Variants in ANKDD1B observed in about 807,000 individuals in gnomAD.
ANKDD1B encodes the protein ankyrin repeat and death domain containing 1B.
A neutral mutation model predicts 59.7 loss-of-function variants in ANKDD1B; 57 were observed. That is an observed-to-expected ratio of 0.95 (90% confidence interval 0.77 to 1.19). The LOEUF is 1.19. Among genes scored for constraint, ANKDD1B ranks in the 50% most tolerant of loss-of-function variants. ANKDD1B has a pLI of 0.00. For missense variants in ANKDD1B, 602 were observed against 641.9 expected (o/e 0.94, Z 0.67); for synonymous variants, 216 against 239.5 (o/e 0.90, Z 0.91).
At position 75,660,905 on chromosome 5, in the gene ANKDD1B, C is replaced by G. The variant is rs537138656; in HGVS notation, c.1095+1524C>G. On this transcript the variant is annotated intron_variant, in intron 10 of 13. Transcript: ENST00000601380. The stretch of plus-strand genomic sequence containing the variant: ...CTGCTTCCGAAACTTGCAGTTTTCC[C>G]TTCCTTATTTTTACCCAACAGTTCA... Among the ~76,000 whole-genome samples, 8 of 152,238 alleles carry G rather than the reference C, an allele frequency of 5.3e-5. No homozygotes were observed. The South Asian group carries it at 1.7e-3, about 32-fold the overall frequency.
chr5:75,626,397 C>A (rs899687068), intron 5 of ANKDD1B, among the ~76,000 whole-genome samples: 2 of 152,156 alleles, frequency 1.3e-5, no homozygotes, highest in Non-Finnish European at 2.9e-5. Flanking sequence ...AGATATATAA[C>A]AATACCAGCT....
chr5:75,635,513 T>C (rs1774275287), intron 6 of ANKDD1B: 1 of 296,270 alleles, frequency 3.4e-6, no homozygotes, highest in Non-Finnish European at 6.2e-6. Flanking sequence ...GAATTGCTTT[T>C]GTTGCTCCAT....
chr5:75,630,586 A>G (rs1774124466), intron 5 of ANKDD1B, among the ~76,000 whole-genome samples: 1 of 152,278 alleles, frequency 6.6e-6, no homozygotes, highest in African/African-American at 2.4e-5. Flanking sequence ...AAAGCTTTGT[A>G]GCAACCACGG....
Position 75,633,645 on chromosome 5 carries a change from G to A in ANKDD1B, c.601-1253G>A, listed in dbSNP as rs541734106. Among the ~76,000 whole-genome samples the A allele has an allele frequency of 5.3e-5, 8 of 152,280 alleles. No individual in the cohort carries two copies. In the East Asian group the frequency reaches 9.6e-4, roughly 18 times the overall value. ...AATTGAAGAAAATACTTCTGCTACC[G>A]TATTGCCACCACAACTTCCTTTTCC... On this transcript the variant is annotated intron_variant, in intron 5 of 13. Coordinates refer to ENST00000601380, the MANE Select transcript of ANKDD1B (RefSeq NM_001276713.2).
At chr5:75,658,255 A>G (rs1775026595) in intron 9 of ANKDD1B, among the ~76,000 whole-genome samples, 1 of 152,184 alleles carries the variant, frequency 6.6e-6, no homozygotes, top group Non-Finnish European at 1.5e-5. Flanking sequence ...TATCCCCAGC[A>G]TATTGGCCCT....
intron 5 of ANKDD1B, among the ~76,000 whole-genome samples, chr5:75,629,880 GTGAGC>G (rs1201642718): frequency 6.6e-6 from 1 of 152,232 alleles, no homozygotes; most frequent in East Asian, 1.9e-4. Flanking sequence ...GGAAGCTGCA[GTGAGC>G]TGAGATCATG....
In ANKDD1B at chr5:75,668,370, T is replaced by C. The variant is rs149051694; in HGVS notation, c.1394-882T>C. On this transcript the variant is annotated intron_variant, in intron 12 of 13. Transcript: ENST00000601380. The stretch of plus-strand genomic sequence containing the variant: ...CACTGGGGAGTTTGTGGGCTTTTGA[T>C]CAAAGGAGTGACAGACTCATGATGG... 1.1e-3 allele frequency among the ~76,000 whole-genome samples: 167 copies of C among 152,248 alleles called. 1 individual carries two copies. In the East Asian group the frequency reaches 0.028, roughly 26 times the overall value.
At chr5:75,654,072 G>A (rs1774896771) in intron 8 of ANKDD1B, among the ~76,000 whole-genome samples, 1 of 152,218 alleles carries the variant, frequency 6.6e-6, no homozygotes, top group Admixed American at 6.5e-5. Flanking sequence ...GACCTACACA[G>A]AAATTCTTCC....
intron 10 of ANKDD1B, among the ~76,000 whole-genome samples, chr5:75,661,361 C>T (rs1482036834): frequency 1.5e-4 from 18 of 123,864 alleles, no homozygotes; most frequent in African/African-American, 5.3e-4. Context: ...CGTGCCAGTG[C>T]ACTCCAGTCT....
intron 10 of ANKDD1B, among the ~76,000 whole-genome samples, chr5:75,661,568 A>G (rs1775153212): frequency 6.6e-6 from 1 of 152,060 alleles, no homozygotes; most frequent in African/African-American, 2.4e-5. Flanking sequence ...TAGCCTTAGT[A>G]TTTTTTAATG....
chr5:75,616,059 CG>C (rs1423259695), intron 1 of ANKDD1B, among the ~76,000 whole-genome samples: 1 of 152,134 alleles, frequency 6.6e-6, no homozygotes, highest in African/African-American at 2.4e-5. Context: ...ACCTCTCTTA[CG>C]GTCCTTTCTG....
rs1035979173 is a variant in ANKDD1B at position 75,625,732 on chromosome 5, G to C, written c.482G>C (p.Arg161Thr). The C allele has an allele frequency of 5.2e-6, 8 of 1,536,218 alleles. No homozygotes were observed. The highest frequency in any genetic ancestry group is 2.7e-5 in the African/African-American group (2 of 72,980). Residue 161 changes from arginine (R) to threonine (T), a missense_variant, in exon 4 of 14, where the codon AGA becomes ACA. By Grantham distance (71) the Arg-to-Thr change is moderately conservative (BLOSUM62 -1). This residue lies in a region of ANKDD1B where 317 missense variants were observed against 304.6 expected (regional missense o/e 1.04). Coordinates refer to ENST00000601380, the MANE Select transcript of ANKDD1B (RefSeq NM_001276713.2). Reference sequence around the variant, plus strand: ...CTGGTTAAAGCTGGAGCAGACCAGAGAGCCAAGAATCAGGTAGGTATGTGG... The same window carrying C: ...CTGGTTAAAGCTGGAGCAGACCAGACAGCCAAGAATCAGGTAGGTATGTGG... ...LMLVKAGADQ[R>T]AKNQDGMSAL... is the part of the protein sequence containing the mutation.
At chr5:75,631,681 G>A (rs1180397761) in intron 5 of ANKDD1B, among the ~76,000 whole-genome samples, 3 of 152,180 alleles carry the variant, frequency 2.0e-5, no homozygotes, top group Non-Finnish European at 2.9e-5. Context: ...TATGTGGACC[G>A]TGTCATGAAG....
chr5:75,631,625 A>G (rs1774161662), intron 5 of ANKDD1B, among the ~76,000 whole-genome samples: 1 of 152,170 alleles, frequency 6.6e-6, no homozygotes. Flanking sequence ...TCACTTTGCA[A>G]CTAAGCGCTC....
At chr5:75,635,216 T>C (rs1049804980) in intron 6 of ANKDD1B, 1 of 427,920 alleles carries the variant, frequency 2.3e-6, no homozygotes, top group Non-Finnish European at 4.3e-6. Context: ...CATAAATGTT[T>C]GTGAAGTCGA....
At chr5:75,624,982 A>G (rs1268735223) in intron 3 of ANKDD1B, among the ~76,000 whole-genome samples, 1 of 152,178 alleles carries the variant, frequency 6.6e-6, no homozygotes, top group Non-Finnish European at 1.5e-5. Flanking sequence ...TGACTATTCC[A>G]TAACTTATTT....
intron 7 of ANKDD1B, among the ~76,000 whole-genome samples, chr5:75,639,378 G>A (rs576757480): frequency 6.6e-6 from 1 of 152,152 alleles, no homozygotes; most frequent in East Asian, 1.9e-4. Context: ...TGTATATTTG[G>A]TAGAGACAGG....
At chr5:75,648,558 A>G (rs996211950) in intron 7 of ANKDD1B, among the ~76,000 whole-genome samples, 9 of 152,146 alleles carry the variant, frequency 5.9e-5, no homozygotes, top group Middle Eastern at 3.2e-3. Flanking sequence ...CAGGCTCCAT[A>G]TTGCCCCTGT....
At chr5:75,629,316 A>G (rs1774081707) in intron 5 of ANKDD1B, among the ~76,000 whole-genome samples, 2 of 150,748 alleles carry the variant, frequency 1.3e-5, no homozygotes, top group Admixed American at 1.3e-4. Context: ...TGAAATTTCT[A>G]GTTATTCAGG....
Sources: gnomAD v4.1 joint callset for allele counts (sites outside exome capture counted in the v4.1 genomes callset) on GRCh38, gnomAD v4.1.1 for gene constraint, gnomAD v4.1.1 regional missense constraint, MANE v1.5 for transcripts, NCBI Gene and HGNC (gene_info 2026-07-23, HGNC 2026-07-21) for gene names.